PTPRD: variants seen among roughly 807,000 people sequenced by gnomAD.
PTPRD encodes the protein receptor-type tyrosine-protein phosphatase delta.
Under a neutral mutation model 214.5 loss-of-function variants are expected in PTPRD, and 34 were observed. That is an observed-to-expected ratio of 0.16 (90% CI 0.12 to 0.21). The LOEUF (loss-of-function observed/expected upper bound fraction) is 0.21, where lower values mean the gene tolerates loss of function less well. Ranked by LOEUF, PTPRD falls within the 10% of genes least tolerant of loss-of-function variation. The pLI is 1.00. For synonymous variants in PTPRD, 1,128 were observed against 845.7 expected (o/e 1.33, Z -5.79); for missense variants, 2,545 against 2,398.7 (o/e 1.06, Z -1.27).
rs1195869451 is a variant in PTPRD at position 8,341,764 on chromosome 9, A to G, written c.4876T>C (p.Tyr1626His). 1 of 1,613,642 alleles carries G rather than the reference A, an allele frequency of 6.2e-7. No individual in the cohort carries two copies. Residue 1626 changes from tyrosine to histidine, a missense_variant, in exon 40 of 46, where the codon TAT becomes CAT. Transcript: ENST00000381196. ...TGTGTCAGCTTCTGAATGTAGGCAT[A>G]CAAGTTTCTAGCTGGCACTTCGGTA... ...GNTEVPARNL[Y>H]AYIQKLTQIE...
chr9:9,815,429 G>A (rs1257901266), intron 5 of PTPRD, among the ~76,000 whole-genome samples: 1 of 152,096 alleles, frequency 6.6e-6, no homozygotes, highest in Admixed American at 6.6e-5. Flanking sequence ...GAAACGTAGA[G>A]AAAAGTCTCC....
intron 3 of PTPRD, among the ~76,000 whole-genome samples, chr9:10,235,096 C>A (rs1452740171): frequency 2.0e-5 from 3 of 151,798 alleles, no homozygotes; most frequent in Non-Finnish European, 2.9e-5. Context: ...ATTTTCTAGA[C>A]AGCCCTTACT....
chr9:9,680,871 T>A (rs2097054061), intron 7 of PTPRD, among the ~76,000 whole-genome samples: 1 of 151,812 alleles, frequency 6.6e-6, no homozygotes, highest in South Asian at 2.1e-4. Flanking sequence ...GCACATATCT[T>A]TTCTTACTGT....
chr9:9,237,627 T>A (rs1052684268), intron 9 of PTPRD, among the ~76,000 whole-genome samples: 2 of 152,108 alleles, frequency 1.3e-5, no homozygotes, highest in African/African-American at 4.8e-5. Flanking sequence ...TGACAAGAGA[T>A]TTGCAATAAT....
intron 11 of PTPRD, among the ~76,000 whole-genome samples, chr9:8,972,750 C>A (rs1429047019): frequency 6.6e-6 from 1 of 151,862 alleles, no homozygotes; most frequent in Non-Finnish European, 1.5e-5. Context: ...CAAGTACAGA[C>A]TTTTGTTTTA....
chr9:9,386,203 C>A (rs963906647), intron 9 of PTPRD, among the ~76,000 whole-genome samples: 1 of 152,060 alleles, frequency 6.6e-6, no homozygotes, highest in South Asian at 2.1e-4. Context: ...TCTAGATTTC[C>A]CTTAATCCTA....
chr9:8,738,965 G>C (rs2091201944), intron 11 of PTPRD, among the ~76,000 whole-genome samples: 1 of 152,178 alleles, frequency 6.6e-6, no homozygotes, highest in Admixed American at 6.5e-5. Context: ...GGTATGGGAA[G>C]GAGTATGTCC....
At position 9,552,227 on chromosome 9, in the gene PTPRD, C is replaced by T. The variant is rs534358687; in HGVS notation, c.-237+22505G>A. Among the ~76,000 whole-genome samples, 269 of 152,044 alleles carry T rather than the reference C, an allele frequency of 1.8e-3. 8 individuals carry two copies. Among genetic ancestry groups the T allele is most frequent in the Middle Eastern group, 3.4e-3 (1 of 294 alleles). On this transcript the variant is annotated intron_variant, in intron 8 of 45. Coordinates refer to ENST00000381196, the MANE Select transcript of PTPRD (RefSeq NM_002839.4). Reference sequence around the variant, plus strand: ...AATCCATGCCATTTCCATTATTCCACGCCATCTCTTAACAAAACAGAAGGA... The same window carrying T: ...AATCCATGCCATTTCCATTATTCCATGCCATCTCTTAACAAAACAGAAGGA...
At chr9:9,319,552 C>T (rs991845868) in intron 9 of PTPRD, among the ~76,000 whole-genome samples, 2 of 152,136 alleles carry the variant, frequency 1.3e-5, no homozygotes, top group African/African-American at 4.8e-5. Context: ...TTTGTAAATT[C>T]TACCAAAGAG....
At chr9:9,714,860 C>T (rs1159328543) in intron 7 of PTPRD, among the ~76,000 whole-genome samples, 2 of 152,032 alleles carry the variant, frequency 1.3e-5, no homozygotes, top group Non-Finnish European at 2.9e-5. Flanking sequence ...TTCCTTTATC[C>T]TGATATGAAA....
intron 2 of PTPRD, among the ~76,000 whole-genome samples, chr9:10,449,295 C>T (rs939204715): frequency 5.9e-5 from 9 of 151,904 alleles, no homozygotes; most frequent in Admixed American, 5.2e-4. Flanking sequence ...CCCACCTGGG[C>T]CTCCCGAGGC....
intron 44 of PTPRD, among the ~76,000 whole-genome samples, chr9:8,324,013 T>C (rs1195864182): frequency 6.6e-6 from 1 of 151,806 alleles, no homozygotes; most frequent in African/African-American, 2.4e-5. Context: ...CCACCGCCCA[T>C]CGATTAGTCA....
chr9:9,352,798 G>C lies in PTPRD; in HGVS notation c.-203+44651C>G, dbSNP rs12057063. Among the ~76,000 whole-genome samples, 95 of 152,086 alleles carry C rather than the reference G, an allele frequency of 6.2e-4. 2 individuals are homozygous for C. In the East Asian group the frequency reaches 0.017, roughly 27 times the overall value. On this transcript the variant is annotated intron_variant, in intron 9 of 45. Coordinates refer to ENST00000381196, the MANE Select transcript of PTPRD (RefSeq NM_002839.4). ...TAATAATTTTAAATGTCTGGAAGAA[G>C]ATTCTCTTCTTAAATATGTAGGAAA...
chr9:10,208,902 C>A (rs1047162993), intron 3 of PTPRD, among the ~76,000 whole-genome samples: 1 of 152,046 alleles, frequency 6.6e-6, no homozygotes, highest in African/African-American at 2.4e-5. Flanking sequence ...TTTATCCTAC[C>A]GGACCATTTA....
At chr9:9,943,650 A>AAGG (rs2092034088) in intron 4 of PTPRD, among the ~76,000 whole-genome samples, 1 of 151,558 alleles carries the variant, frequency 6.6e-6, no homozygotes, top group East Asian at 1.9e-4. Flanking sequence ...GTTTAAAATA[A>AAGG]AAGTGTAGTC....
intron 7 of PTPRD, among the ~76,000 whole-genome samples, chr9:9,591,075 CA>C (rs1284967454): frequency 1.3e-5 from 2 of 151,966 alleles, no homozygotes; most frequent in African/African-American, 4.8e-5. Flanking sequence ...AGGGACTTTG[CA>C]GAAGCAATGA....
intron 11 of PTPRD, among the ~76,000 whole-genome samples, chr9:8,823,681 G>GGAAAGGGAAA: frequency 2.3e-5 from 1 of 43,534 alleles, no homozygotes; most frequent in Non-Finnish European, 4.5e-5. Context: ...GAAAAGGAAA[G>GGAAAGGGAAA]GGAAAGGAAA....
intron 37 of PTPRD, among the ~76,000 whole-genome samples, chr9:8,386,438 A>G (rs1267337462): frequency 1.3e-5 from 2 of 152,192 alleles, no homozygotes; most frequent in East Asian, 1.9e-4. Context: ...TATTTTCTTC[A>G]TGTACCATAG....
intron 8 of PTPRD, among the ~76,000 whole-genome samples, chr9:9,490,083 C>T (rs183822769): frequency 6.2e-4 from 95 of 152,150 alleles, no homozygotes; most frequent in African/African-American, 2.2e-3. Context: ...ACTATAGATG[C>T]CAGAAGCTAG....
Sources: gnomAD v4.1 joint callset for allele counts (sites outside exome capture counted in the v4.1 genomes callset) on GRCh38, gnomAD v4.1.1 for gene constraint, MANE v1.5 for transcripts, NCBI Gene and HGNC (gene_info 2026-07-23, HGNC 2026-07-21) for gene names.